The following FHIP2A variants were observed in gnomAD, a reference collection of about 807,000 sequenced individuals.
FHIP2A encodes family with sequence similarity 160 member B1.
In FHIP2A, 46 loss-of-function variants were observed where a neutral mutation model predicts 93.5. That is an observed-to-expected ratio of 0.49 (90% CI 0.39 to 0.63). FHIP2A has a LOEUF of 0.63. FHIP2A is among the 20% of genes least tolerant of loss of function. FHIP2A has a pLI of 0.00. For missense variants in FHIP2A, 769 were observed against 909.7 expected (o/e 0.85, Z 1.99); for synonymous variants, 332 against 326.5 (o/e 1.02, Z -0.18).
chr10:114,828,112 A>T (rs1211707068), intron 1 of FHIP2A, among the ~76,000 whole-genome samples: 1 of 152,212 alleles, frequency 6.6e-6, no homozygotes, highest in Non-Finnish European at 1.5e-5. Flanking sequence ...TTACATAAAT[A>T]AGGACATTTA....
At chr10:114,844,768 G>A (rs566928393) in intron 7 of FHIP2A, among the ~76,000 whole-genome samples, 64 of 152,122 alleles carry the variant, frequency 4.2e-4, no homozygotes, top group African/African-American at 1.4e-3. Context: ...TTCTCCTGCA[G>A]CTCCACTGTT....
chr10:114,853,526 A>G (rs567826957), intron 13 of FHIP2A, among the ~76,000 whole-genome samples: 1 of 152,358 alleles, frequency 6.6e-6, no homozygotes, highest in African/African-American at 2.4e-5. Flanking sequence ...AGTAAAATAT[A>G]TCTTTTGGCA....
At position 114,843,244 on chromosome 10, in the gene FHIP2A, C is replaced by G; in HGVS notation, c.816+18C>G. On this transcript the variant is annotated intron_variant, in intron 6 of 16. Transcript: ENST00000369248. ...GAAGTCCTGTGAGTTATGGTCCTTA[C>G]TTTTTCCCCCCTAACATTATTTCAA... The G allele has an allele frequency of 6.6e-7, 1 of 1,519,622 alleles. No individual in the cohort carries two copies. Among genetic ancestry groups the G allele is most frequent in the Non-Finnish European group, 9.0e-7 (1 of 1,114,382 alleles). The allele number at this position is 1,519,622 out of a possible 1,614,324, so 94.1% of individuals were successfully genotyped here. A position where few individuals can be genotyped will look rare whatever the true frequency, so the allele number is the denominator to read the frequency against.
chr10:114,845,001 T>A (rs1179868333), intron 7 of FHIP2A, among the ~76,000 whole-genome samples: 1 of 148,458 alleles, frequency 6.7e-6, no homozygotes, highest in Non-Finnish European at 1.5e-5. Flanking sequence ...GAGAGTTTCA[T>A]CATATTGGCC....
intron 4 of FHIP2A, 92 bp from the exon 5 acceptor site, chr10:114,836,032 A>G: frequency 1.0e-6 from 1 of 965,510 alleles, no homozygotes. Context: ...TATATGAAAA[A>G]TTTAAATATC....
chr10:114,881,556 C>A (rs1342270727), intron 16 of FHIP2A, among the ~76,000 whole-genome samples: 1 of 152,094 alleles, frequency 6.6e-6, no homozygotes, highest in Non-Finnish European at 1.5e-5. Context: ...ATTTCAAGGA[C>A]CTGGGCTTGC....
Position 114,856,078 on chromosome 10 carries a change from A to T in FHIP2A, c.1947+738A>T, listed in dbSNP as rs187202677. Among the ~76,000 whole-genome samples the T allele has an allele frequency of 6.6e-5, 10 of 152,324 alleles. No homozygotes were observed. The East Asian group carries it at 1.9e-3, about 29-fold the overall frequency. The stretch of plus-strand genomic sequence containing the variant: ...AACTGAGTGGACCAATTTGGAATTA[A>T]TTTTCAACTGTATGTTAAAGTACGT... On this transcript the variant is annotated intron_variant, in intron 14 of 16. Transcript: ENST00000369248.
intron 16 of FHIP2A, among the ~76,000 whole-genome samples, chr10:114,896,334 G>T (rs1334898569): frequency 6.6e-6 from 1 of 152,170 alleles, no homozygotes; most frequent in Non-Finnish European, 1.5e-5. Context: ...CTGAGGTTCT[G>T]CCTCAGGGTA....
At chr10:114,830,463 G>A (rs779392916) in intron 1 of FHIP2A, among the ~76,000 whole-genome samples, 3 of 151,668 alleles carry the variant, frequency 2.0e-5, no homozygotes, top group Non-Finnish European at 4.4e-5. Flanking sequence ...AGTAGAGATG[G>A]GGTTTCACCA....
At chr10:114,878,775 C>CAAAAAAAA (rs71007499) in intron 16 of FHIP2A, among the ~76,000 whole-genome samples, 1 of 101,156 alleles carries the variant, frequency 9.9e-6, no homozygotes, top group African/African-American at 3.3e-5. Context: ...GACTTCGCCT[C>CAAAAAAAA]AAAAAAAAAA....
Position 114,833,417 on chromosome 10 carries a change from C to T in FHIP2A, c.294+15C>T, listed in dbSNP as rs779079478. On this transcript the variant is annotated intron_variant, in intron 3 of 16. Coordinates refer to ENST00000369248, the MANE Select transcript of FHIP2A (RefSeq NM_020940.4). ...GGAAAGCTGATGTAAGTTCCTGATC[C>T]ACACCATGTTCTTGGGCATTAGTAC... is the stretch of plus-strand genomic sequence containing the variant. 5.0e-6 allele frequency: 8 copies of T among 1,609,862 alleles called. No homozygotes were observed. The African/African-American group carries it at 9.4e-5, about 19-fold the overall frequency.
intron 1 of FHIP2A, among the ~76,000 whole-genome samples, chr10:114,822,811 T>C (rs2083543768): frequency 6.6e-6 from 1 of 152,208 alleles, no homozygotes; most frequent in Non-Finnish European, 1.5e-5. Flanking sequence ...CCAGAGACCA[T>C]CTGTTTCCTT....
At chr10:114,892,553 G>A (rs566018758) in intron 16 of FHIP2A, among the ~76,000 whole-genome samples, 3 of 152,056 alleles carry the variant, frequency 2.0e-5, no homozygotes, top group Admixed American at 1.3e-4. Flanking sequence ...CAGGAGAATC[G>A]CCTGAACCCG....
downstream of FHIP2A, among the ~76,000 whole-genome samples, chr10:114,867,946 T>C (rs1364393017): frequency 6.6e-6 from 1 of 151,192 alleles, no homozygotes; most frequent in Non-Finnish European, 1.5e-5. Context: ...TTATAATTTT[T>C]TTTTTTTTTT....
In FHIP2A at chr10:114,864,610, T is replaced by C. The variant is rs758311727; in HGVS notation, c.*3070T>C. On this transcript the variant is annotated 3_prime_UTR_variant, in exon 17 of 17. Transcript: ENST00000369248. ...ACTCTTCAGATGGTCATTGTGTACC[T>C]ACTCTCTCTTCAAAGGAAGTTGTGA... 118 of 985,734 alleles carry C rather than the reference T, an allele frequency of 1.2e-4. No homozygotes were observed. Among genetic ancestry groups the C allele is most frequent in the Non-Finnish European group, 1.4e-4 (117 of 829,922 alleles). 61.1% of individuals were successfully genotyped at this position (985,734 alleles called of 1,614,324 possible). A position where few individuals can be genotyped will look rare whatever the true frequency, so the allele number is the denominator to read the frequency against.
At chr10:114,845,052 C>A (rs1369681738) in intron 7 of FHIP2A, among the ~76,000 whole-genome samples, 1 of 151,608 alleles carries the variant, frequency 6.6e-6, no homozygotes, top group African/African-American at 2.4e-5. Context: ...ATCCACCCAC[C>A]CACGCACGTT....
intron 1 of FHIP2A, among the ~76,000 whole-genome samples, chr10:114,822,395 G>T (rs1378528657): frequency 1.3e-5 from 2 of 152,162 alleles, no homozygotes; most frequent in Non-Finnish European, 2.9e-5. Context: ...GGGGGTGCCG[G>T]GGAGGACCTG....
At chr10:114,896,287 G>A (rs1566392265) in intron 16 of FHIP2A, among the ~76,000 whole-genome samples, 1 of 152,080 alleles carries the variant, frequency 6.6e-6, no homozygotes. Context: ...GGGAATGAAG[G>A]TTTGGGTCAT....
At chr10:114,898,969 T>G (rs998246364) in intron 16 of FHIP2A, among the ~76,000 whole-genome samples, 7 of 152,186 alleles carry the variant, frequency 4.6e-5, no homozygotes, top group African/African-American at 1.7e-4. Flanking sequence ...AAGTAGAAGT[T>G]TGGTAAGCAT....
Sources: gnomAD v4.1 joint callset for allele counts (sites outside exome capture counted in the v4.1 genomes callset) on GRCh38, gnomAD v4.1.1 for gene constraint, MANE v1.5 for transcripts, NCBI Gene and HGNC (gene_info 2026-07-23, HGNC 2026-07-21) for gene names.